PDXDC1: variants seen among roughly 807,000 people sequenced by gnomAD.
PDXDC1 encodes pyridoxal-dependent decarboxylase domain-containing protein 1.
A neutral mutation model predicts 100.1 loss-of-function variants in PDXDC1; 42 were observed. That is an observed-to-expected ratio of 0.42 (90% CI 0.33 to 0.54). PDXDC1 has a LOEUF of 0.54. PDXDC1 is among the 20% of genes least tolerant of loss of function. The probability of loss-of-function intolerance (pLI) is 0.10; values close to 1 mark genes in which losing one functional copy is unlikely to be tolerated. For missense variants in PDXDC1, 636 were observed against 979.2 expected (o/e 0.65, Z 4.68); for synonymous variants, 260 against 371.7 (o/e 0.70, Z 3.46).
At chr16:15,131,241 C>T in intron 16 of PDXDC1, 2 of 1,592,180 alleles carry the variant, frequency 1.3e-6, no homozygotes, top group African/African-American at 1.3e-5. Context: ...AGTTGTTGGG[C>T]ACCTTCACGG....
chr16:15,076,308 A>C (rs2045452411), intron 16 of PDXDC1: 1 of 596,458 alleles, frequency 1.7e-6, no homozygotes, highest in African/African-American at 1.9e-5. Flanking sequence ...TTACAAAAAC[A>C]AACACTGAAA....
chr16:15,047,853 AC>A (rs748350840), intron 16 of PDXDC1: 3 of 1,609,030 alleles, frequency 1.9e-6, no homozygotes, highest in Non-Finnish European at 2.6e-6. Context: ...CTCTCATCAT[AC>A]CTGTGTGCCT....
intron 16 of PDXDC1, chr16:15,083,432 A>C (rs1259210971): frequency 1.3e-6 from 2 of 1,570,194 alleles, no homozygotes; most frequent in Non-Finnish European, 1.7e-6. Flanking sequence ...ACTGGAAAAG[A>C]AAGAAAAAGA....
intron 16 of PDXDC1, chr16:15,055,985 G>A (rs1180043691): frequency 2.5e-6 from 3 of 1,202,520 alleles, no homozygotes; most frequent in Admixed American, 4.4e-5. Flanking sequence ...GGAGGCGGCC[G>A]CCCAGGCAGG....
At chr16:15,042,761 C>G (rs1262442629), downstream of PDXDC1, among the ~76,000 whole-genome samples, 1 of 106,886 alleles carries the variant, frequency 9.4e-6, no homozygotes, top group Non-Finnish European at 2.1e-5. Context: ...GAGACGAAGT[C>G]TCGCTCTGTC....
chr16:15,037,810 G>C lies in PDXDC1; in HGVS notation c.*1535G>C, dbSNP rs966782538. ...GTTATTACCGACCAAAAAAAAAACT[G>C]GACATCAATTTTTTAGTAAACCAAA... On this transcript the variant is annotated 3_prime_UTR_variant, in exon 23 of 23. Transcript: ENST00000396410. 1 of 443,632 alleles carries C rather than the reference G, an allele frequency of 2.3e-6. No homozygotes were observed. The highest frequency in any genetic ancestry group is 4.0e-6 in the Non-Finnish European group (1 of 252,272). 27.5% of individuals were successfully genotyped at this position (443,632 alleles called of 1,614,324 possible). A position where few individuals can be genotyped will look rare whatever the true frequency, so the allele number is the denominator to read the frequency against.
At chr16:15,140,095 CAAAAAAAAAAAA>C (rs372891971), downstream of PDXDC1, among the ~76,000 whole-genome samples, 1 of 43,838 alleles carries the variant, frequency 2.3e-5, no homozygotes, top group African/African-American at 1.1e-4. Flanking sequence ...GACTCCATCT[CAAAAAAAAAAAA>C]AAAAAAAAAA....
intron 16 of PDXDC1, among the ~76,000 whole-genome samples, chr16:15,081,508 C>G (rs2045701601): frequency 6.6e-6 from 1 of 152,130 alleles, no homozygotes; most frequent in Non-Finnish European, 1.5e-5. Flanking sequence ...TATTCAGATC[C>G]TTTGCCCACT....
chr16:15,109,051 T>C, intron 16 of PDXDC1: 1 of 122,772 alleles, frequency 8.1e-6, no homozygotes, highest in African/African-American at 2.8e-5. Flanking sequence ...CCCCTGACCA[T>C]CCCCCAGAAG....
intron 16 of PDXDC1, among the ~76,000 whole-genome samples, chr16:15,052,389 C>CT (rs1466200838): frequency 2.2e-4 from 34 of 152,202 alleles, no homozygotes; most frequent in Non-Finnish European, 5.9e-5. Context: ...TGAGCTGTGG[C>CT]TTGTTGACCT....
intron 16 of PDXDC1, among the ~76,000 whole-genome samples, chr16:15,075,899 T>C (rs988696253): frequency 1.6e-4 from 24 of 152,108 alleles, no homozygotes; most frequent in Middle Eastern, 3.2e-3. Flanking sequence ...AGAGCTGCCC[T>C]GAGCAGAAAG....
intron 16 of PDXDC1, among the ~76,000 whole-genome samples, chr16:15,126,208 G>A (rs1483075134): frequency 6.6e-6 from 1 of 150,726 alleles, no homozygotes; most frequent in African/African-American, 2.4e-5. Flanking sequence ...CTGATTTTTT[G>A]TATTTTTAGT....
intron 13 of PDXDC1, among the ~76,000 whole-genome samples, chr16:15,024,102 C>T: frequency 6.6e-6 from 1 of 152,270 alleles, no homozygotes; most frequent in Non-Finnish European, 1.5e-5. Context: ...AGTTAATCAC[C>T]AGTTGTTTTG....
rs569252090 is a variant in PDXDC1 at position 15,008,491 on chromosome 16, G to T, written c.580-288G>T. ...TCACGACCCAGTTGTTTCTGTGTTT[G>T]TCAAAGTGTTTCTGGTATATTCTAG... is the stretch of plus-strand genomic sequence containing the variant. On this transcript the variant is annotated intron_variant, in intron 6 of 22. Coordinates refer to ENST00000396410, the MANE Select transcript of PDXDC1 (RefSeq NM_015027.4). 9.3e-3 allele frequency among the ~76,000 whole-genome samples: 1,406 copies of T among 151,294 alleles called. No individual in the cohort carries two copies. The highest frequency in any genetic ancestry group is 0.016 in the Non-Finnish European group (1,087 of 67,176).
At chr16:14,983,048 C>T (rs1356555293) in intron 1 of PDXDC1, among the ~76,000 whole-genome samples, 1 of 152,232 alleles carries the variant, frequency 6.6e-6, no homozygotes, top group Non-Finnish European at 1.5e-5. Flanking sequence ...AAACTAGCAT[C>T]TCATAACTCC....
chr16:15,140,745 G>A (rs1165994740), downstream of PDXDC1, among the ~76,000 whole-genome samples: 1 of 151,994 alleles, frequency 6.6e-6, no homozygotes, highest in East Asian at 1.9e-4. Context: ...CCTCCCCTCG[G>A]CCTCAAGCAC....
rs367574744 is a variant in PDXDC1 at position 15,099,820 on chromosome 16, A to G, written c.1400-39059A>G. Among the ~76,000 whole-genome samples the G allele has an allele frequency of 9.7e-4, 148 of 152,310 alleles. 1 individual carries two copies. Among genetic ancestry groups the G allele is most frequent in the African/African-American group, 3.4e-3 (140 of 41,568 alleles). ...CAAAATTTTGCTTTACTATCATCATATACCCAGAAGACCCATTAAACTGTT... is the reference window on the plus strand; with the variant it reads ...CAAAATTTTGCTTTACTATCATCATGTACCCAGAAGACCCATTAAACTGTT... On this transcript the variant is annotated intron_variant, in intron 16 of 16. Transcript: ENST00000535621.
rs375424844 is a variant in PDXDC1 at position 15,075,948 on chromosome 16, C to G, written c.1399+45892C>G. 5.3e-5 allele frequency among the ~76,000 whole-genome samples: 8 copies of G among 152,172 alleles called. No homozygotes were observed. In the South Asian group the frequency reaches 8.3e-4, roughly 16 times the overall value. ...CCTTGCACTCTTTCCAGCCCCTCCC[C>G]CTTAGAACCAATGACTGATTGACAA... is the stretch of plus-strand genomic sequence containing the variant. On this transcript the variant is annotated intron_variant, in intron 16 of 16. Transcript: ENST00000535621.
At chr16:15,149,444 AG>A in the PDXDC1 span, among the ~76,000 whole-genome samples, 1 of 152,202 alleles carries the variant, frequency 6.6e-6, no homozygotes, top group Non-Finnish European at 1.5e-5. Context: ...AATGGGAGCC[AG>A]GGGCCCCTCC....
Sources: allele counts gnomAD v4.1 joint callset (sites outside exome capture counted in the v4.1 genomes callset), GRCh38; gene constraint gnomAD v4.1.1; transcripts MANE v1.5; gene names NCBI Gene and HGNC (gene_info 2026-07-23, HGNC 2026-07-21).